The following RASAL3 variants were observed in gnomAD, a reference collection of about 807,000 sequenced individuals.
RASAL3 encodes the protein RAS protein activator like 3.
Under a neutral mutation model 105.5 loss-of-function variants are expected in RASAL3, and 74 were observed. The observed-to-expected ratio is 0.70, with a 90% CI of 0.58 to 0.85. The LOEUF is 0.85. Among genes scored for constraint, RASAL3 ranks in the 40% least tolerant of loss-of-function variants. The pLI is 0.00. For synonymous variants in RASAL3, 579 were observed against 591.6 expected (o/e 0.98, Z 0.31); for missense variants, 1,352 against 1,392.0 (o/e 0.97, Z 0.46).
At position 15,451,672 on chromosome 19, in the gene RASAL3, G is replaced by A. The variant is rs1276842134; in HGVS notation, c.*123C>T. ...TGGGCAACTTCATACTGCCAGAGTGGTTGGGACCAGCAGCTCCACTCCCCA... is the reference window on the plus strand; with the variant it reads ...TGGGCAACTTCATACTGCCAGAGTGATTGGGACCAGCAGCTCCACTCCCCA... On this transcript the variant is annotated 3_prime_UTR_variant, in exon 18 of 18. Transcript: ENST00000343625. 4.7e-6 allele frequency: 5 copies of A among 1,056,592 alleles called. No homozygotes were observed. The highest frequency in any genetic ancestry group is 6.8e-6 in the Non-Finnish European group (5 of 737,210). 65.5% of individuals were successfully genotyped at this position (1,056,592 alleles called of 1,614,324 possible).
In RASAL3 at chr19:15,453,327, G is replaced by T; in HGVS notation, c.2450C>A (p.Thr817Lys). The T allele has an allele frequency of 2.1e-6, 3 of 1,461,312 alleles. No individual in the cohort carries two copies. Among genetic ancestry groups the T allele is most frequent in the Non-Finnish European group, 2.7e-6 (3 of 1,113,110 alleles). 90.5% of individuals were successfully genotyped at this position (1,461,312 alleles called of 1,614,324 possible). ...PLRRPRPVQRTQSVPVRRPAR... is the reference protein window; with the variant it reads ...PLRRPRPVQRKQSVPVRRPAR... The stretch of plus-strand genomic sequence containing the variant: ...AGGACGCCGGACCGGGACACTCTGC[G>T]TGCGCTGCACCGGCCGGGGCCGCCG... The change falls in exon 15 of 18, where the codon ACG becomes AAG. Residue 817 changes from threonine to lysine, a missense_variant. Coordinates refer to ENST00000343625, the MANE Select transcript of RASAL3 (RefSeq NM_022904.3). The surrounding 1 kb of genome is among the most constrained non-coding windows in gnomAD (Gnocchi z 4.2).
rs752002884 is a variant in RASAL3 at position 15,461,065 on chromosome 19, C to T, written c.601G>A (p.Val201Ile). Residue 201 changes from valine to isoleucine, a missense_variant, in exon 5 of 18, where the codon GTT (valine) becomes ATT (isoleucine). By Grantham distance (29) the Val-to-Ile change is conservative (BLOSUM62 3). Coordinates refer to ENST00000343625, the MANE Select transcript of RASAL3 (RefSeq NM_022904.3). ...ETAGPNQVHN[V>I]RGLLKRLKEK... ...ACCTTCACTGGCTGCCTTACCCGAA[C>T]GTTGTGGACCTGGTTGGGACCAGCA... 21 of 1,613,772 alleles carry T rather than the reference C, an allele frequency of 1.3e-5. No individual in the cohort carries two copies. The highest frequency in any genetic ancestry group is 1.6e-4 in the Middle Eastern group (1 of 6,084).
At chr19:15,461,320 G>C (rs1272161448) in intron 3 of RASAL3, 24 bp from the exon 4 acceptor site, 1 of 1,607,862 alleles carries the variant, frequency 6.2e-7, no homozygotes, top group South Asian at 1.1e-5. Context: ...GGAGTGGGTA[G>C]TCAGAGAGGG....
In RASAL3 at chr19:15,458,037, G is replaced by A. The variant is rs1970383649; in HGVS notation, c.889-203C>T. 5 of 659,902 alleles carry A rather than the reference G, an allele frequency of 7.6e-6. No individual in the cohort carries two copies. In the South Asian group the frequency reaches 9.7e-5, roughly 13 times the overall value. 40.9% of individuals were successfully genotyped at this position (659,902 alleles called of 1,614,324 possible). On this transcript the variant is annotated intron_variant, in intron 8 of 17. Transcript: ENST00000343625. Reference sequence around the variant, plus strand: ...TAGCTTTTCTGGGCTCTCCGGGAGAGTTGGGGGCTCCAGGGCATACAAGAG... The same window carrying A: ...TAGCTTTTCTGGGCTCTCCGGGAGAATTGGGGGCTCCAGGGCATACAAGAG...
Position 15,461,623 on chromosome 19 carries a change from G to T in RASAL3, c.329-16C>A. The T allele has an allele frequency of 6.6e-7, 1 of 1,509,402 alleles. No homozygotes were observed. The highest frequency in any genetic ancestry group is 8.8e-7 in the Non-Finnish European group (1 of 1,132,654). The allele number at this position is 1,509,402 out of a possible 1,614,324, so 93.5% of individuals were successfully genotyped here. ...GGCTCCAGCTCTGGGAAGAAGAGGAGGCACTGGGGGACTTAAGAGACGTTT... is the reference window on the plus strand; with the variant it reads ...GGCTCCAGCTCTGGGAAGAAGAGGATGCACTGGGGGACTTAAGAGACGTTT... On this transcript the variant is annotated splice_polypyrimidine_tract_variant and intron_variant, in intron 2 of 17. Coordinates refer to ENST00000343625, the MANE Select transcript of RASAL3 (RefSeq NM_022904.3).
At position 15,451,717 on chromosome 19, in the gene RASAL3, A is replaced by G. The variant is rs542097901; in HGVS notation, c.*78T>C. On this transcript the variant is annotated 3_prime_UTR_variant, in exon 18 of 18. Transcript: ENST00000343625. ...TCCCCACTGTAGGCCAAGTAGGGCT[A>G]AGGCAAAGTCAGACACCCCCCCTAA... 6.0e-5 allele frequency: 90 copies of G among 1,500,988 alleles called. No individual in the cohort carries two copies. The African/African-American group carries it at 9.0e-4, about 15-fold the overall frequency. The allele number at this position is 1,500,988 out of a possible 1,614,324, so 93.0% of individuals were successfully genotyped here. A position where few individuals can be genotyped will look rare whatever the true frequency, so the allele number is the denominator to read the frequency against.
In RASAL3 at chr19:15,453,394, C is replaced by T. The variant is rs759981877; in HGVS notation, c.2383G>A (p.Glu795Lys). ...SQSLRSVRRSESWARPRPDEE... is the reference protein window; with the variant it reads ...SQSLRSVRRSKSWARPRPDEE... ...TCCGGCCGTGGCCGGGCCCAACTCT[C>T]TGAGCGGCGAACGCTGCGCAGAGAC... The change falls in exon 15 of 18, where the codon GAG becomes AAG. Residue 795 changes from glutamate to lysine, a missense_variant. This residue lies in a region of RASAL3 where 920 missense variants were observed against 919.6 expected (regional missense o/e 1.00). Transcript: ENST00000343625. This position sits in a 1 kb window ranked among gnomAD's most constrained non-coding sequence, Gnocchi z 4.2. 17 of 1,483,968 alleles carry T rather than the reference C, an allele frequency of 1.1e-5. No homozygotes were observed. Among genetic ancestry groups the T allele is most frequent in the Non-Finnish European group, 1.4e-5 (16 of 1,125,756 alleles). The allele number at this position is 1,483,968 out of a possible 1,614,324, so 91.9% of individuals were successfully genotyped here. A position where few individuals can be genotyped will look rare whatever the true frequency, so the allele number is the denominator to read the frequency against.
At chr19:15,463,059 C>A (rs2145494321) in intron 2 of RASAL3, among the ~76,000 whole-genome samples, 1 of 151,894 alleles carries the variant, frequency 6.6e-6, no homozygotes, top group African/African-American at 2.4e-5. Context: ...ACACTTAGCA[C>A]CATCTGTCAT....
At position 15,461,173 on chromosome 19, in the gene RASAL3, T is replaced by C. The variant is rs538441564; in HGVS notation, c.544+45A>G. 1.4e-4 allele frequency: 220 copies of C among 1,613,470 alleles called. 1 individual carries two copies. In the South Asian group the frequency reaches 2.3e-3, roughly 17 times the overall value. On this transcript the variant is annotated intron_variant, in intron 4 of 17. Coordinates refer to ENST00000343625, the MANE Select transcript of RASAL3 (RefSeq NM_022904.3). ...GGGGGGTTGGATTCTGCCCCACTTT[T>C]AGAGCCTCCCAAATGCCCCAGGCCT...
chr19:15,451,721 C>G lies in RASAL3; in HGVS notation c.*74G>C. On this transcript the variant is annotated 3_prime_UTR_variant, in exon 18 of 18. Transcript: ENST00000343625. ...CACTGTAGGCCAAGTAGGGCTAAGG[C>G]AAAGTCAGACACCCCCCCTAAGATG... 1 of 1,516,932 alleles carries G rather than the reference C, an allele frequency of 6.6e-7. No homozygotes were observed. The highest frequency in any genetic ancestry group is 8.9e-7 in the Non-Finnish European group (1 of 1,121,616). The allele number at this position is 1,516,932 out of a possible 1,614,324, so 94.0% of individuals were successfully genotyped here. A position where few individuals can be genotyped will look rare whatever the true frequency, so the allele number is the denominator to read the frequency against.
In RASAL3 at chr19:15,461,466, C is replaced by T. The variant is rs373859152; in HGVS notation, c.465+5G>A. On this transcript the variant is annotated splice_donor_5th_base_variant and intron_variant, in intron 3 of 17. Coordinates refer to ENST00000343625, the MANE Select transcript of RASAL3 (RefSeq NM_022904.3). The stretch of plus-strand genomic sequence containing the variant: ...TCCTCCCCTTTCCCAGGTGCCCCCT[C>T]TCACCTCCTCCTCTCCTCCAAGCAG... 1.7e-5 allele frequency: 26 copies of T among 1,548,512 alleles called. No homozygotes were observed. The African/African-American group carries it at 2.3e-4, about 14-fold the overall frequency.
In RASAL3 at chr19:15,458,386, G is replaced by A. The variant is rs771324060; in HGVS notation, c.830C>T (p.Ser277Leu). ...GATCCAGCGGTCTCTCTCAGCGGCC[G>A]AGCGACAAGAGAAGCAGCGGCTTCC... Reference protein sequence around the residue: ...TGGSRCFSCRSAAERDRWIED... With the variant: ...TGGSRCFSCRLAAERDRWIED... Residue 277 changes from serine to leucine, a missense_variant, in exon 8 of 18, where the codon TCG becomes TTG. Ser to Leu is a moderately radical substitution (Grantham distance 145, BLOSUM62 -2). Around this residue, in one of 3 missense-constraint regions of RASAL3, gnomAD observed 88 missense variants for 132.7 expected, o/e 0.66. Coordinates refer to ENST00000343625, the MANE Select transcript of RASAL3 (RefSeq NM_022904.3). 2.5e-6 allele frequency: 4 copies of A among 1,613,804 alleles called. No individual in the cohort carries two copies. Among genetic ancestry groups the A allele is most frequent in the African/African-American group, 2.7e-5 (2 of 74,930 alleles).
rs1568324088 is a variant in RASAL3 at position 15,453,198 on chromosome 19, A to G, written c.2579T>C (p.Leu860Pro). 2 of 1,610,968 alleles carry G rather than the reference A, an allele frequency of 1.2e-6. No homozygotes were observed. Among genetic ancestry groups the G allele is most frequent in the Non-Finnish European group, 1.7e-6 (2 of 1,178,884 alleles). ...CCAGGGTACCGACGGCTTCCGAGGC[A>G]GCGAGGCGGAGTCCCGGGTCCAAGG... is the stretch of plus-strand genomic sequence containing the variant. ...ARPWTRDSAS[L>P]PRKPSVPWQR... The change falls in exon 15 of 18, where the codon CTG (leucine) becomes CCG (proline). Residue 860 changes from leucine to proline, a missense_variant. By Grantham distance (98) the Leu-to-Pro change is moderately conservative. Coordinates refer to ENST00000343625, the MANE Select transcript of RASAL3 (RefSeq NM_022904.3). This position sits in a 1 kb window ranked among gnomAD's most constrained non-coding sequence, Gnocchi z 4.2.
At position 15,464,320 on chromosome 19, in the gene RASAL3, C is replaced by G. The variant is rs1292398611; in HGVS notation, c.39G>C (p.Gln13His). ...AAGTCAGCGGAGAGGTGGCTGTGGG[C>G]TGGGTTTGGGAGGTCCGGCTTGGCG... Reference protein sequence around the residue: ...PPSPSRTSQTQPTATSPLTSY... With the variant: ...PPSPSRTSQTHPTATSPLTSY... The change falls in exon 2 of 18, where the codon CAG (glutamine) becomes CAC (histidine). Residue 13 changes from glutamine (Q) to histidine (H), a missense_variant. By Grantham distance (24) the Gln-to-His change is conservative. Coordinates refer to ENST00000343625, the MANE Select transcript of RASAL3 (RefSeq NM_022904.3). 3.2e-6 allele frequency: 4 copies of G among 1,247,262 alleles called. No homozygotes were observed. Among genetic ancestry groups the G allele is most frequent in the Non-Finnish European group, 4.1e-6 (4 of 964,962 alleles). The allele number at this position is 1,247,262 out of a possible 1,614,324, so 77.3% of individuals were successfully genotyped here. A position where few individuals can be genotyped will look rare whatever the true frequency, so the allele number is the denominator to read the frequency against.
Position 15,454,771 on chromosome 19 carries a change from G to A in RASAL3, c.1844C>T (p.Pro615Leu). The change falls in exon 12 of 18, where the codon CCT becomes CTT. Residue 615 changes from proline (P) to leucine (L), a missense_variant. By Grantham distance (98) the Pro-to-Leu change is moderately conservative. Around this residue, in one of 3 missense-constraint regions of RASAL3, gnomAD observed 920 missense variants for 919.6 expected, o/e 1.00. Transcript: ENST00000343625. ...CASLFLRLLC[P>L]AILAPSLFGL... The stretch of plus-strand genomic sequence containing the variant: ...AAAGAGGCTGGGTGCCAGGATGGCA[G>A]GGCACAGGAGCCGCAGGAAGAGGGA... 1 of 1,603,934 alleles carries A rather than the reference G, an allele frequency of 6.2e-7. No individual in the cohort carries two copies. Among genetic ancestry groups the A allele is most frequent in the African/African-American group, 1.3e-5 (1 of 74,928 alleles).
At position 15,464,194 on chromosome 19, in the gene RASAL3, G is replaced by A. The variant is rs779219375; in HGVS notation, c.165C>T (p.Pro55=). 4.3e-6 allele frequency: 7 copies of A among 1,612,042 alleles called. No individual in the cohort carries two copies. Among genetic ancestry groups the A allele is most frequent in the Non-Finnish European group, 5.9e-6 (7 of 1,179,494 alleles). The change falls in exon 2 of 18, where the codon CCC becomes CCT. Residue 55 remains proline (P), a synonymous_variant. Transcript: ENST00000343625. The part of the protein sequence containing the change: ...GWGRALSHQE[P]MVSTQPAPRS... Reference sequence around the variant, plus strand: ...GAGGGGCTGGCTGGGTGCTGACCATGGGCTCCTGGTGGCTCAGGGCCCTGC... The same window carrying A: ...GAGGGGCTGGCTGGGTGCTGACCATAGGCTCCTGGTGGCTCAGGGCCCTGC...
At position 15,453,393 on chromosome 19, in the gene RASAL3, T is replaced by G; in HGVS notation, c.2384A>C (p.Glu795Ala). The G allele has an allele frequency of 1.3e-6, 2 of 1,482,600 alleles. No homozygotes were observed. Among genetic ancestry groups the G allele is most frequent in the Non-Finnish European group, 1.8e-6 (2 of 1,124,968 alleles). The allele number at this position is 1,482,600 out of a possible 1,614,324, so 91.8% of individuals were successfully genotyped here. The change falls in exon 15 of 18, where the codon GAG becomes GCG. Residue 795 changes from glutamate (E) to alanine (A), a missense_variant. By Grantham distance (107) the Glu-to-Ala change is moderately radical. This residue lies in a region of RASAL3 where 920 missense variants were observed against 919.6 expected (regional missense o/e 1.00). Coordinates refer to ENST00000343625, the MANE Select transcript of RASAL3 (RefSeq NM_022904.3). The surrounding 1 kb of genome is among the most constrained non-coding windows in gnomAD (Gnocchi z 4.2). ...GTCCGGCCGTGGCCGGGCCCAACTC[T>G]CTGAGCGGCGAACGCTGCGCAGAGA... ...SQSLRSVRRSESWARPRPDEE... is the reference protein window; with the variant it reads ...SQSLRSVRRSASWARPRPDEE...
rs1599756831 is a variant in RASAL3, at chr19:15,464,247, A to C, written c.112T>G (p.Phe38Val). 1.9e-6 allele frequency: 3 copies of C among 1,608,218 alleles called. No individual in the cohort carries two copies. Among genetic ancestry groups the C allele is most frequent in the African/African-American group, 2.7e-5 (2 of 74,602 alleles). Residue 38 changes from phenylalanine to valine, a missense_variant, in exon 2 of 18, where the codon TTC (phenylalanine) becomes GTC (valine). Physicochemically the swap from Phe to Val is conservative, Grantham distance 50. Coordinates refer to ENST00000343625, the MANE Select transcript of RASAL3 (RefSeq NM_022904.3). ...CAGCCAGCAAAGCGGCCCCAGCGGA[A>C]CCCTCCAGCCGCCTTCTCCCCACCG... The part of the protein sequence containing the change: ...GGGGEKAAGG[F>V]RWGRFAGWGR...
At chr19:15,463,788 CA>C (rs1261976657) in intron 2 of RASAL3, among the ~76,000 whole-genome samples, 1 of 152,150 alleles carries the variant, frequency 6.6e-6, no homozygotes, top group African/African-American at 2.4e-5. Context: ...ACAATACTAT[CA>C]CGGGTTTACA....
Sources: gnomAD v4.1 joint callset for allele counts (sites outside exome capture counted in the v4.1 genomes callset) on GRCh38, gnomAD v4.1.1 for gene constraint, gnomAD v4.1.1 regional missense constraint, Gnocchi (gnomAD v3.1) non-coding constraint, MANE v1.5 for transcripts, NCBI Gene and HGNC (gene_info 2026-07-23, HGNC 2026-07-21) for gene names.